The following PDE10A variants were observed in gnomAD, a reference collection of about 807,000 sequenced individuals.
The protein encoded by PDE10A is cAMP and cAMP-inhibited cGMP 3',5'-cyclic phosphodiesterase 10A.
A neutral mutation model predicts 97.7 loss-of-function variants in PDE10A; 39 were observed. The observed-to-expected ratio is 0.40, with a 90% confidence interval of 0.31 to 0.52. The LOEUF (loss-of-function observed/expected upper bound fraction) is 0.52. Ranked by LOEUF, PDE10A falls within the 20% of genes least tolerant of loss-of-function variation. The pLI is 0.56. For missense variants in PDE10A, 731 were observed against 1,047.8 expected (o/e 0.70, Z 4.17); for synonymous variants, 371 against 376.8 (o/e 0.98, Z 0.18).
At chr6:165,862,020 C>T (rs574515949) in intron 1 of PDE10A, among the ~76,000 whole-genome samples, 1 of 152,344 alleles carries the variant, frequency 6.6e-6, no homozygotes, top group East Asian at 1.9e-4. Context: ...ATCCTGAGGT[C>T]TGTGGCTCTG....
chr6:165,372,936 C>T (rs998795545), intron 18 of PDE10A, among the ~76,000 whole-genome samples: 4 of 150,828 alleles, frequency 2.7e-5, no homozygotes, highest in African/African-American at 9.8e-5. Flanking sequence ...ATATCTACAA[C>T]CATCTGATCT....
At chr6:165,591,089 G>A (rs1400024352) in intron 1 of PDE10A, among the ~76,000 whole-genome samples, 1 of 152,090 alleles carries the variant, frequency 6.6e-6, no homozygotes, top group African/African-American at 2.4e-5. Flanking sequence ...CAAAGCAAGA[G>A]AAGAGGTATT....
intron 1 of PDE10A, among the ~76,000 whole-genome samples, chr6:165,714,282 G>A (rs1791973395): frequency 6.6e-6 from 1 of 152,234 alleles, no homozygotes; most frequent in Non-Finnish European, 1.5e-5. Flanking sequence ...TGCAGAGGGG[G>A]TGGCGTGCCG....
intron 17 of PDE10A, among the ~76,000 whole-genome samples, chr6:165,381,952 T>C (rs1463442421): frequency 6.6e-6 from 1 of 152,186 alleles, no homozygotes; most frequent in Non-Finnish European, 1.5e-5. Flanking sequence ...TATAATACTT[T>C]TATACACCAA....
intron 1 of PDE10A, chr6:165,947,352 A>T (rs1451489806): frequency 6.6e-6 from 1 of 152,238 alleles, no homozygotes; most frequent in East Asian, 1.9e-4. Flanking sequence ...GTGGGTTAAG[A>T]GATTGATCAT....
chr6:165,729,989 C>T lies in PDE10A; in HGVS notation c.-614-186421G>A, dbSNP rs924939750. 1.1e-4 allele frequency among the ~76,000 whole-genome samples: 16 copies of T among 152,038 alleles called. No homozygotes were observed. The South Asian group carries it at 1.7e-3, about 16-fold the overall frequency. Reference sequence around the variant, plus strand: ...TATACATATATATCACCAAGAAATACGTCACCTGTATATCAATCTTGAAAA... The same window carrying T: ...TATACATATATATCACCAAGAAATATGTCACCTGTATATCAATCTTGAAAA... On this transcript the variant is annotated intron_variant, in intron 1 of 19. Transcript: ENST00000366882.
intron 6 of PDE10A, 61 bp downstream of exon 6, chr6:165,435,176 C>T: frequency 7.5e-7 from 1 of 1,341,770 alleles, no homozygotes; most frequent in South Asian, 1.3e-5. Flanking sequence ...AATGATATGC[C>T]ATCTTTCTTA....
intron 1 of PDE10A, among the ~76,000 whole-genome samples, chr6:165,898,975 G>C (rs369139335): frequency 2.0e-5 from 3 of 152,080 alleles, no homozygotes; most frequent in Non-Finnish European, 4.4e-5. Flanking sequence ...AAAGGCCTTC[G>C]GGGACCCCAT....
chr6:165,529,184 A>T (rs1782626239), intron 2 of PDE10A, among the ~76,000 whole-genome samples: 1 of 152,156 alleles, frequency 6.6e-6, no homozygotes, highest in Non-Finnish European at 1.5e-5. Flanking sequence ...ACAAGCTAAG[A>T]ATGGAGTTAC....
In PDE10A at chr6:165,336,585, T is replaced by A. The variant is rs556476283; in HGVS notation, c.2977-374A>T. 4.0e-5 allele frequency among the ~76,000 whole-genome samples: 6 copies of A among 149,606 alleles called. No individual in the cohort carries two copies. In the East Asian group the frequency reaches 1.0e-3, roughly 25 times the overall value. The stretch of plus-strand genomic sequence containing the variant: ...TAACAAGGTGAAACCCCGTCTCTAC[T>A]AAAAATACAAAAAATTAGCTGGGCG... On this transcript the variant is annotated intron_variant, in intron 20 of 21. Coordinates refer to ENST00000539869, the MANE Select transcript of PDE10A (RefSeq NM_001385079.1).
At chr6:165,894,618 C>T in intron 1 of PDE10A, 2 of 440,624 alleles carry the variant, frequency 4.5e-6, no homozygotes. Context: ...AGGAAGAGCA[C>T]ATGAAGAAGA....
chr6:165,381,771 G>A (rs755905963), intron 17 of PDE10A, among the ~76,000 whole-genome samples: 1 of 151,198 alleles, frequency 6.6e-6, no homozygotes, highest in Non-Finnish European at 1.5e-5. Flanking sequence ...GTGAGCCACC[G>A]CGCCCGGCCA....
chr6:165,764,843 G>A (rs1405688899), intron 1 of PDE10A, among the ~76,000 whole-genome samples: 1 of 152,196 alleles, frequency 6.6e-6, no homozygotes, highest in Non-Finnish European at 1.5e-5. Flanking sequence ...TGCCACTGCT[G>A]GCTCGGGCAG....
intron 13 of PDE10A, among the ~76,000 whole-genome samples, chr6:165,404,366 A>G (rs937208252): frequency 6.6e-6 from 1 of 152,064 alleles, no homozygotes; most frequent in African/African-American, 2.4e-5. Flanking sequence ...GAGGAGCTGA[A>G]CTGAGAACTC....
chr6:165,919,934 T>C (rs1782709706), intron 1 of PDE10A, among the ~76,000 whole-genome samples: 1 of 152,332 alleles, frequency 6.6e-6, no homozygotes, highest in Middle Eastern at 3.4e-3. Flanking sequence ...CCACCCTTCA[T>C]ATTCCTTAGA....
chr6:165,836,722 G>C (rs76694748), intron 1 of PDE10A, among the ~76,000 whole-genome samples: 4,335 of 152,088 alleles, frequency 0.029, 216 homozygotes, highest in African/African-American at 0.1. Flanking sequence ...GAAAGTGGGG[G>C]GTCAGAAGGG....
At chr6:165,434,841 T>G (rs563592596) in intron 6 of PDE10A, among the ~76,000 whole-genome samples, 2 of 152,308 alleles carry the variant, frequency 1.3e-5, no homozygotes, top group African/African-American at 4.8e-5. Flanking sequence ...GTCCTTAGAT[T>G]CATAAGAAAT....
chr6:165,372,311 T>C (rs1321375765), intron 18 of PDE10A, among the ~76,000 whole-genome samples: 2 of 150,752 alleles, frequency 1.3e-5, no homozygotes, highest in Admixed American at 6.6e-5. Context: ...GATGACATGA[T>C]TGTATATCTA....
At chr6:165,600,673 G>A (rs1395080826) in intron 1 of PDE10A, among the ~76,000 whole-genome samples, 1 of 151,994 alleles carries the variant, frequency 6.6e-6, no homozygotes, top group African/African-American at 2.4e-5. Flanking sequence ...CTTCCCTACC[G>A]GCAGATTTAC....
Sources: allele counts gnomAD v4.1 joint callset (sites outside exome capture counted in the v4.1 genomes callset), GRCh38; gene constraint gnomAD v4.1.1; transcripts MANE v1.5; gene names NCBI Gene and HGNC (gene_info 2026-07-23, HGNC 2026-07-21).